The following CCNK variants were observed in gnomAD, a reference collection of about 807,000 sequenced individuals.
CCNK encodes cyclin K, also known as cyclin-K.
A neutral mutation model predicts 65.0 loss-of-function variants in CCNK; 9 were observed. That is an observed-to-expected ratio of 0.14 (90% CI 0.08 to 0.24). The LOEUF (loss-of-function observed/expected upper bound fraction) is 0.24, where lower values mean the gene tolerates loss of function less well. Ranked by LOEUF, CCNK falls within the 10% of genes least tolerant of loss-of-function variation. CCNK has a pLI of 1.00. For missense variants in CCNK, 474 were observed against 720.0 expected, an observed-to-expected ratio of 0.66 and a Z score of 3.91; for synonymous variants, 279 against 270.8, an observed-to-expected ratio of 1.03 and a Z score of -0.30.
At position 99,502,925 on chromosome 14, in the gene CCNK, C is replaced by G. The variant is rs200877327; in HGVS notation, c.952C>G (p.Gln318Glu). The change falls in exon 8 of 11, where the codon CAA becomes GAA. Residue 318 changes from glutamine to glutamate, a missense_variant. Around this residue, in one of 6 missense-constraint regions of CCNK, gnomAD observed 229 missense variants for 275.5 expected, o/e 0.83. Transcript: ENST00000389879. ...ACCAGCCCAGCAGCAGCAGCCAGCC[C>G]AACAGCCCAAGAAACCCTCTCCGCA... ...QQPAQQQQPA[Q>E]QPKKPSPQPS... is the part of the protein sequence containing the mutation. 8.1e-6 allele frequency: 13 copies of G among 1,613,848 alleles called. No individual in the cohort carries two copies. The East Asian group carries it at 2.9e-4, about 36-fold the overall frequency.
At chr14:99,503,498 G>T (rs746019309) in intron 8 of CCNK, 113 bp from the exon 9 acceptor site, 31 of 846,966 alleles carry the variant, frequency 3.7e-5, no homozygotes, top group Non-Finnish European at 5.3e-5. Context: ...ATTTTTGTCC[G>T]AGGCTGTTCA....
At chr14:99,510,136 T>C (rs963165652) in intron 10 of CCNK, 21 bp from the exon 11 acceptor site, 7 of 1,585,430 alleles carry the variant, frequency 4.4e-6, no homozygotes, top group Admixed American at 3.5e-5. Context: ...GGCCGGGCAC[T>C]GATGCGTCTC....
chr14:99,492,003 A>G (rs1026402238), intron 1 of CCNK: 4 of 152,154 alleles, frequency 2.6e-5, no homozygotes, highest in African/African-American at 4.8e-5. Flanking sequence ...GAGGATGAAA[A>G]AGCAAGAACA....
chr14:99,504,302 C>G (rs1896917317), intron 9 of CCNK: 1 of 155,780 alleles, frequency 6.4e-6, no homozygotes, highest in Admixed American at 6.5e-5. Context: ...TTACTTGGTT[C>G]TTAGTTCCAG....
chr14:99,496,388 C>T (rs1896701082), intron 4 of CCNK, among the ~76,000 whole-genome samples: 1 of 152,154 alleles, frequency 6.6e-6, no homozygotes, highest in Admixed American at 6.5e-5. Context: ...CCAGCCTAGC[C>T]AACATAGCGA....
chr14:99,487,664 G>A (rs1896518773), intron 1 of CCNK, among the ~76,000 whole-genome samples: 1 of 152,200 alleles, frequency 6.6e-6, no homozygotes, highest in South Asian at 2.1e-4. Flanking sequence ...GGAAATAGAG[G>A]TCAGAATAGT....
intron 1 of CCNK, among the ~76,000 whole-genome samples, chr14:99,486,805 T>C (rs1435850652): frequency 6.6e-6 from 1 of 152,182 alleles, no homozygotes; most frequent in Non-Finnish European, 1.5e-5. Flanking sequence ...TACTATAATC[T>C]CCTAACTCTT....
At position 99,507,102 on chromosome 14, in the gene CCNK, A is replaced by G. The variant is rs768938736; in HGVS notation, c.1072A>G (p.Ile358Val). The G allele has an allele frequency of 7.4e-6, 12 of 1,612,018 alleles. No homozygotes were observed. Among genetic ancestry groups the G allele is most frequent in the Middle Eastern group, 1.6e-4 (1 of 6,080 alleles). ...AEPPPPKIPKIETTHPPLPPA... is the reference protein window; with the variant it reads ...AEPPPPKIPKVETTHPPLPPA... ...ACCACCACCACCTAAAATCCCCAAA[A>G]TTGAGACCACTCATCCACCGTTGCC... is the stretch of plus-strand genomic sequence containing the variant. Residue 358 changes from isoleucine to valine, a missense_variant, in exon 10 of 11, where the codon ATT becomes GTT. Ile to Val is a conservative substitution (Grantham distance 29). Transcript: ENST00000389879.
chr14:99,490,234 A>C (rs1896570306), intron 1 of CCNK, among the ~76,000 whole-genome samples: 1 of 152,224 alleles, frequency 6.6e-6, no homozygotes, highest in African/African-American at 2.4e-5. Flanking sequence ...AGAAGATAGG[A>C]AGGGAAAAAT....
At chr14:99,482,784 A>G (rs1270095587) in intron 1 of CCNK, among the ~76,000 whole-genome samples, 4 of 152,224 alleles carry the variant, frequency 2.6e-5, no homozygotes, top group Non-Finnish European at 4.4e-5. Context: ...TGAATGTCAT[A>G]AAGAAAAATT....
Position 99,510,286 on chromosome 14 carries a change from T to A in CCNK, c.1247T>A (p.Leu416Gln). Reference protein sequence around the residue: ...HPAPVHQPPPLPHRPPPPPPS... With the variant: ...HPAPVHQPPPQPHRPPPPPPS... Reference sequence around the variant, plus strand: ...GCCCCTGTGCACCAGCCACCGCCGCTGCCACACCGGCCCCCGCCCCCACCC... The same window carrying A: ...GCCCCTGTGCACCAGCCACCGCCGCAGCCACACCGGCCCCCGCCCCCACCC... The change falls in exon 11 of 11, where the codon CTG (leucine) becomes CAG (glutamine). Residue 416 changes from leucine to glutamine, a missense_variant. Physicochemically the swap from Leu to Gln is moderately radical, Grantham distance 113 (BLOSUM62 -2). Transcript: ENST00000389879. 1 of 1,137,052 alleles carries A rather than the reference T, an allele frequency of 8.8e-7. No homozygotes were observed. The highest frequency in any genetic ancestry group is 1.1e-6 in the Non-Finnish European group (1 of 873,058). 70.4% of individuals were successfully genotyped at this position (1,137,052 alleles called of 1,614,324 possible). A position where few individuals can be genotyped will look rare whatever the true frequency, so the allele number is the denominator to read the frequency against.
chr14:99,508,847 C>T, intron 10 of CCNK: 1 of 152,488 alleles, frequency 6.6e-6, no homozygotes. Flanking sequence ...GCCTGTGGGC[C>T]CAGGTGGCTG....
At chr14:99,503,068 G>A (rs1294824191) in intron 8 of CCNK, 84 bp downstream of exon 8, 2 of 1,458,322 alleles carry the variant, frequency 1.4e-6, no homozygotes, top group African/African-American at 2.8e-5. Context: ...TTCTAAGCGA[G>A]CACAGGGAAC....
intron 1 of CCNK, among the ~76,000 whole-genome samples, chr14:99,483,216 A>G (rs976953353): frequency 2.6e-5 from 4 of 152,076 alleles, no homozygotes; most frequent in Admixed American, 2.0e-4. Flanking sequence ...TTGGGAAAGG[A>G]GAGCTGATTC....
intron 6 of CCNK, 21 bp from the exon 7 acceptor site, chr14:99,502,184 CTT>C: frequency 1.3e-6 from 2 of 1,532,396 alleles, no homozygotes; most frequent in Non-Finnish European, 1.8e-6. Context: ...ATTATCTAAC[CTT>C]TTTTTTTCTT....
chr14:99,492,378 CAA>C (rs1263272363), intron 1 of CCNK: 2 of 294,374 alleles, frequency 6.8e-6, no homozygotes, highest in East Asian at 1.6e-4. Flanking sequence ...CCTTTAATCT[CAA>C]GAGAGAGGGA....
At position 99,481,470 on chromosome 14, in the gene CCNK, G is replaced by A. The variant is rs1368226840; in HGVS notation, c.-62G>A. The A allele has an allele frequency of 7.5e-6, 3 of 398,594 alleles. No homozygotes were observed. Among genetic ancestry groups the A allele is most frequent in the Non-Finnish European group, 1.3e-5 (3 of 226,108 alleles). The allele number at this position is 398,594 out of a possible 1,614,324, so 24.7% of individuals were successfully genotyped here. A position where few individuals can be genotyped will look rare whatever the true frequency, so the allele number is the denominator to read the frequency against. On this transcript the variant is annotated 5_prime_UTR_variant, in exon 1 of 11. Coordinates refer to ENST00000389879, the MANE Select transcript of CCNK (RefSeq NM_001099402.2). ...AGAGACGTCGCTGAGGGGCTTGCCT[G>A]AAGCGAGGGGTGAGTGACCCACCGA... is the stretch of plus-strand genomic sequence containing the variant.
chr14:99,503,439 A>T (rs1896891340), intron 8 of CCNK, 172 bp from the exon 9 acceptor site: 1 of 614,398 alleles, frequency 1.6e-6, no homozygotes, highest in East Asian at 2.7e-5. Context: ...AGCAGAAATG[A>T]TGATCTGGTA....
At chr14:99,506,542 C>T (rs982763367) in intron 9 of CCNK, 1 of 154,194 alleles carries the variant, frequency 6.5e-6, no homozygotes, top group East Asian at 1.9e-4. Context: ...AGTGTGTCAA[C>T]CTCCAGAGCT....
Sources: gnomAD v4.1 joint callset for allele counts (sites outside exome capture counted in the v4.1 genomes callset) on GRCh38, gnomAD v4.1.1 for gene constraint, gnomAD v4.1.1 regional missense constraint, MANE v1.5 for transcripts, NCBI Gene and HGNC (gene_info 2026-07-23, HGNC 2026-07-21) for gene names.